The following ATPAF2 variants were observed in gnomAD, a reference collection of about 807,000 sequenced individuals.
The protein encoded by ATPAF2 is ATP12 homolog.
In ATPAF2, 30 loss-of-function variants were observed where a neutral mutation model predicts 36.6. The ratio of observed to expected loss-of-function variants is 0.82; its 90% CI spans 0.61 to 1.11. The LOEUF (loss-of-function observed/expected upper bound fraction) is 1.11. Among genes scored for constraint, ATPAF2 ranks in the 50% most tolerant of loss-of-function variants. The pLI, the probability that ATPAF2 is intolerant of heterozygous loss-of-function variation, is 0.00. For synonymous variants in ATPAF2, 140 were observed against 152.6 expected (o/e 0.92, Z 0.61); for missense variants, 321 against 372.3 (o/e 0.86, Z 1.13).
chr17:18,016,705 T>C (rs57948629), downstream of ATPAF2: 6,212 of 1,409,050 alleles, frequency 4.4e-3, 241 homozygotes, highest in African/African-American at 0.078. Flanking sequence ...CTTCAAAACA[T>C]AGCACCAGCC....
At chr17:18,037,196 T>C (rs1597681371) in intron 1 of ATPAF2, among the ~76,000 whole-genome samples, 2 of 152,248 alleles carry the variant, frequency 1.3e-5, no homozygotes, top group East Asian at 3.8e-4. Flanking sequence ...TTCTCTTCTT[T>C]ACTGGCCCTT....
In ATPAF2 at chr17:18,028,630, T is replaced by C; in HGVS notation, c.163A>G (p.Ile55Val). 6.2e-7 allele frequency: 1 copy of C among 1,611,682 alleles called. No individual in the cohort carries two copies. Among genetic ancestry groups the C allele is most frequent in the Non-Finnish European group, 8.5e-7 (1 of 1,179,834 alleles). ...AGACACTCACCTTCACCCTGTGTGA[T>C]GCTGACATTCTGATAAAACCTCTTC... Reference protein sequence around the residue: ...ERKRFYQNVSITQGEGGFEIN... With the variant: ...ERKRFYQNVSVTQGEGGFEIN... The change falls in exon 2 of 8, where the codon ATC becomes GTC. Residue 55 changes from isoleucine to valine, a missense_variant. Ile to Val is a conservative substitution (Grantham distance 29). Around this residue, in one of 3 missense-constraint regions of ATPAF2, gnomAD observed 53 missense variants for 91.6 expected, o/e 0.58. Coordinates refer to ENST00000474627, the MANE Select transcript of ATPAF2 (RefSeq NM_145691.4).
At chr17:18,029,879 T>TA (rs771131818) in intron 1 of ATPAF2, among the ~76,000 whole-genome samples, 22,103 of 53,058 alleles carry the variant, frequency 0.42, 4,683 homozygotes, top group East Asian at 0.79. Flanking sequence ...CCTTTAACGC[T>TA]AAAAAAAAAA....
At chr17:18,016,023 A>G, downstream of ATPAF2, 1 of 1,607,946 alleles carries the variant, frequency 6.2e-7, no homozygotes, top group Non-Finnish European at 8.5e-7. Flanking sequence ...TTCACGGTAT[A>G]ATGACACACA....
At chr17:18,032,353 C>T (rs1327246387) in intron 1 of ATPAF2, among the ~76,000 whole-genome samples, 1 of 152,142 alleles carries the variant, frequency 6.6e-6, no homozygotes, top group Non-Finnish European at 1.5e-5. Flanking sequence ...GTTTTGTTGG[C>T]CAGGCTCACT....
chr17:18,026,948 T>C (rs1318001538), intron 3 of ATPAF2, among the ~76,000 whole-genome samples: 2 of 152,164 alleles, frequency 1.3e-5, no homozygotes, highest in Admixed American at 1.3e-4. Flanking sequence ...CGGCCAAGTG[T>C]GGTGGCTCAC....
Position 18,028,277 on chromosome 17 carries a change from C to T in ATPAF2, c.279G>A (p.Glu93=). 1.9e-6 allele frequency: 3 copies of T among 1,614,212 alleles called. No homozygotes were observed. Among genetic ancestry groups the T allele is most frequent in the Non-Finnish European group, 2.5e-6 (3 of 1,180,038 alleles). The change falls in exon 3 of 8, where the codon GAG becomes GAA. Residue 93 remains glutamate, a synonymous_variant. Coordinates refer to ENST00000474627, the MANE Select transcript of ATPAF2 (RefSeq NM_145691.4). Reference sequence around the variant, plus strand: ...TGATGGTATCCTGCTGGGAATCCCACTCAGTAGCCACTGCAATGGCCAGGG... The same window carrying T: ...TGATGGTATCCTGCTGGGAATCCCATTCAGTAGCCACTGCAATGGCCAGGG... The part of the protein sequence containing the change: ...SEALAIAVAT[E]WDSQQDTIKY...
Position 18,028,828 on chromosome 17 carries a change from T to G in ATPAF2, c.134-169A>C, listed in dbSNP as rs1418546858. Among the ~76,000 whole-genome samples, 7 of 152,136 alleles carry G rather than the reference T, an allele frequency of 4.6e-5. No individual in the cohort carries two copies. The East Asian group carries it at 1.3e-3, about 29-fold the overall frequency. ...CACGGTATAATCAACCGCTTCTGATTAAAGCTGGGGGAAGGGAACATCTGA... is the reference window on the plus strand; with the variant it reads ...CACGGTATAATCAACCGCTTCTGATGAAAGCTGGGGGAAGGGAACATCTGA... On this transcript the variant is annotated intron_variant, in intron 1 of 7. Transcript: ENST00000474627.
chr17:18,021,390 C>A, intron 6 of ATPAF2, 152 bp from the exon 7 acceptor site: 4 of 723,574 alleles, frequency 5.5e-6, no homozygotes, highest in Non-Finnish European at 1.0e-5. Flanking sequence ...GCACTCTGGT[C>A]TTCCCTGGGG....
rs756288508 is a variant in ATPAF2 at position 18,021,255 on chromosome 17, C to G, written c.617-17G>C. 14 of 1,600,810 alleles carry G rather than the reference C, an allele frequency of 8.7e-6. No individual in the cohort carries two copies. The highest frequency in any genetic ancestry group is 1.1e-5 in the Non-Finnish European group (13 of 1,172,548). On this transcript the variant is annotated splice_polypyrimidine_tract_variant and intron_variant, in intron 6 of 7. Transcript: ENST00000474627. ...ACTCAATCCCTGCAGGGACACAAGC[C>G]AAGTCAGAACCCAAAACAGGGCAGC...
chr17:18,021,109 G>A lies in ATPAF2; in HGVS notation c.732+14C>T, dbSNP rs1267387892. 1 of 1,608,090 alleles carries A rather than the reference G, an allele frequency of 6.2e-7. No individual in the cohort carries two copies. Among genetic ancestry groups the A allele is most frequent in the Non-Finnish European group, 8.5e-7 (1 of 1,177,300 alleles). On this transcript the variant is annotated intron_variant, in intron 7 of 7. Transcript: ENST00000474627. ...TAGGAAGGGGGAGGCGGGACCTGAGGTGCTGCTCCTCACCTGGTACTCCTC... is the reference window on the plus strand; with the variant it reads ...TAGGAAGGGGGAGGCGGGACCTGAGATGCTGCTCCTCACCTGGTACTCCTC...
chr17:18,021,265 C>T (rs777992085), intron 6 of ATPAF2, 27 bp from the exon 7 acceptor site: 39 of 1,586,456 alleles, frequency 2.5e-5, no homozygotes, highest in Non-Finnish European at 3.2e-5. Context: ...CAAGTCAGAA[C>T]CCAAAACAGG....
chr17:18,026,330 G>A lies in ATPAF2; in HGVS notation c.411C>T (p.Thr137=), dbSNP rs368311501. Residue 137 remains threonine, a synonymous_variant, in exon 4 of 8, where the codon ACC becomes ACT. Coordinates refer to ENST00000474627, the MANE Select transcript of ATPAF2 (RefSeq NM_145691.4). ...LIRAAVKFLD[T]DTICYRVEEP... ...TAAATGTCCATTACCAGATGGTGTC[G>A]GTGTCCAGAAACTTCACGGCTGCCC... The A allele has an allele frequency of 1.4e-5, 23 of 1,613,898 alleles. No individual in the cohort carries two copies. Among genetic ancestry groups the A allele is most frequent in the Admixed American group, 1.0e-4 (6 of 60,008 alleles).
chr17:18,020,866 G>T, intron 7 of ATPAF2: 2 of 729,862 alleles, frequency 2.7e-6, no homozygotes, highest in Non-Finnish European at 3.9e-6. Context: ...TTGCCATGTT[G>T]CCCAGGCTGG....
chr17:18,026,054 C>T, intron 4 of ATPAF2: 1 of 557,058 alleles, frequency 1.8e-6, no homozygotes, highest in South Asian at 2.0e-5. Flanking sequence ...GGTCACGGCA[C>T]CTGCAAGAGC....
intron 5 of ATPAF2, among the ~76,000 whole-genome samples, chr17:18,022,162 AT>A (rs2044479186): frequency 6.6e-6 from 1 of 152,272 alleles, no homozygotes; most frequent in African/African-American, 2.4e-5. Context: ...TGGAATCTCC[AT>A]CAAAAGGCCA....
At chr17:18,022,069 G>C (rs890436461) in intron 5 of ATPAF2, among the ~76,000 whole-genome samples, 1 of 152,190 alleles carries the variant, frequency 6.6e-6, no homozygotes, top group Non-Finnish European at 1.5e-5. Flanking sequence ...CCAAGAAACT[G>C]TGCTGAATGA....
Position 18,038,930 on chromosome 17 carries a change from A to T in ATPAF2, c.84T>A (p.Ser28Arg), listed in dbSNP as rs1046043172. The T allele has an allele frequency of 3.1e-6, 5 of 1,613,412 alleles. No individual in the cohort carries two copies. Among genetic ancestry groups the T allele is most frequent in the Non-Finnish European group, 4.2e-6 (5 of 1,179,772 alleles). ...CTGGAGACGGGATGGTTGGCCCCGG[A>T]CTCATAGAAGCGCTGGGGCCACCCG... The part of the protein sequence containing the change: ...RPAGGPSASM[S>R]PGPTIPSPAR... Residue 28 changes from serine (S) to arginine (R), a missense_variant, in exon 1 of 8, where the codon AGT (serine) becomes AGA (arginine). By Grantham distance (110) the Ser-to-Arg change is moderately radical (BLOSUM62 -1). Transcript: ENST00000474627.
chr17:18,030,605 T>C (rs1181558008), intron 1 of ATPAF2, among the ~76,000 whole-genome samples: 1 of 150,414 alleles, frequency 6.6e-6, no homozygotes, highest in Admixed American at 6.6e-5. Flanking sequence ...TATGTGTGCA[T>C]GGACAGGGAA....
Sources: allele counts gnomAD v4.1 joint callset (sites outside exome capture counted in the v4.1 genomes callset), GRCh38; gene constraint gnomAD v4.1.1; regional missense constraint gnomAD v4.1.1; transcripts MANE v1.5; gene names NCBI Gene and HGNC (gene_info 2026-07-23, HGNC 2026-07-21).